The following TRIM25 variants were observed in gnomAD, a reference collection of about 807,000 sequenced individuals.
The protein encoded by TRIM25 is tripartite motif containing 25.
In TRIM25, 45 loss-of-function variants were observed where a neutral mutation model predicts 65.2. That is an observed-to-expected ratio of 0.69 (90% CI 0.54 to 0.89). The LOEUF (loss-of-function observed/expected upper bound fraction) is 0.89, where lower values mean the gene tolerates loss of function less well. Among genes scored for constraint, TRIM25 ranks in the 40% least tolerant of loss-of-function variants. TRIM25 has a pLI of 0.00. For synonymous variants in TRIM25, 321 were observed against 340.4 expected (o/e 0.94, Z 0.63); for missense variants, 714 against 803.7 (o/e 0.89, Z 1.35).
chr17:56,901,724 G>T, intron 3 of TRIM25, 146 bp from the exon 4 acceptor site: 1 of 1,040,018 alleles, frequency 9.6e-7, no homozygotes, highest in Non-Finnish European at 1.4e-6. Flanking sequence ...GAGGTCACCA[G>T]GAGTTTAAAT....
rs1285767624 is a variant in TRIM25, at chr17:56,913,724, C to A, written c.265G>T (p.Val89Phe). The change falls in exon 1 of 9, where the codon GTC (valine) becomes TTC (phenylalanine). Residue 89 changes from valine to phenylalanine, a missense_variant. Around this residue, in one of 3 missense-constraint regions of TRIM25, gnomAD observed 291 missense variants for 281.8 expected, o/e 1.03. Coordinates refer to ENST00000316881, the MANE Select transcript of TRIM25 (RefSeq NM_005082.5). This position sits in a 1 kb window ranked among gnomAD's most constrained non-coding sequence, Gnocchi z 6.1. ...GAGGCGCGGGCGGGCGGCGTCCAGA[C>A]GTCGGCGGGTGGCTCCCGGGCCAGG... ...ADLAREPPAD[V>F]WTPPARASAP... is the part of the protein sequence containing the mutation. The A allele has an allele frequency of 6.4e-7, 1 of 1,559,772 alleles. No homozygotes were observed. Among genetic ancestry groups the A allele is most frequent in the Non-Finnish European group, 8.7e-7 (1 of 1,152,284 alleles).
Position 56,913,349 on chromosome 17 carries a change from A to G in TRIM25, c.597+43T>C. 6.7e-7 allele frequency: 1 copy of G among 1,503,310 alleles called. No individual in the cohort carries two copies. The highest frequency in any genetic ancestry group is 8.9e-7 in the Non-Finnish European group (1 of 1,123,524). 93.1% of individuals were successfully genotyped at this position (1,503,310 alleles called of 1,614,324 possible). ...CCCCGGTGGCCCCTCTGCACCACCC[A>G]TCAGGCCAGGCTGCCCTCTGCACCC... On this transcript the variant is annotated intron_variant, in intron 1 of 8. Coordinates refer to ENST00000316881, the MANE Select transcript of TRIM25 (RefSeq NM_005082.5). This position sits in a 1 kb window ranked among gnomAD's most constrained non-coding sequence, Gnocchi z 6.1.
intron 8 of TRIM25, 146 bp from the exon 9 acceptor site, chr17:56,892,375 ATCTG>A (rs1047496788): frequency 6.5e-5 from 54 of 825,062 alleles, no homozygotes; most frequent in African/African-American, 4.0e-4. Flanking sequence ...TCATCTATCC[ATCTG>A]TCTGTCTATT....
chr17:56,904,274 T>C lies in TRIM25; in HGVS notation c.908A>G (p.Asp303Gly), dbSNP rs770573226. Residue 303 changes from aspartate to glycine, a missense_variant, in exon 3 of 9, where the codon GAT becomes GGT. Transcript: ENST00000316881. ...EEIEQSLTKR[D>G]EFEFLEKASK... is the part of the protein sequence containing the mutation. ...ACCTACCTCCAGAAACTCGAACTCATCCCTCTTGGTCAGGCTCTGTTCAAT... is the reference window on the plus strand; with the variant it reads ...ACCTACCTCCAGAAACTCGAACTCACCCCTCTTGGTCAGGCTCTGTTCAAT... The C allele has an allele frequency of 6.2e-7, 1 of 1,610,198 alleles. No homozygotes were observed.
rs1403113722 is a variant in TRIM25 at position 56,888,093 on chromosome 17, G to A, written c.*3607C>T. On this transcript the variant is annotated 3_prime_UTR_variant, in exon 9 of 9. Coordinates refer to ENST00000316881, the MANE Select transcript of TRIM25 (RefSeq NM_005082.5). Reference sequence around the variant, plus strand: ...ACCCAGGAAGCTATGCTGAGCTTTAGTGTCCAGAGTTTTTATTAGGGTTTC... The same window carrying A: ...ACCCAGGAAGCTATGCTGAGCTTTAATGTCCAGAGTTTTTATTAGGGTTTC... The A allele has an allele frequency of 6.6e-6, 1 of 152,254 alleles. No homozygotes were observed. Among genetic ancestry groups the A allele is most frequent in the Non-Finnish European group, 1.5e-5 (1 of 68,064 alleles). 9.4% of individuals were successfully genotyped at this position (152,254 alleles called of 1,614,324 possible).
Position 56,895,343 on chromosome 17 carries a change from A to G in TRIM25, c.1363T>C (p.Tyr455His). The G allele has an allele frequency of 1.9e-6, 3 of 1,613,434 alleles. No individual in the cohort carries two copies. Among genetic ancestry groups the G allele is most frequent in the Non-Finnish European group, 1.7e-6 (2 of 1,179,554 alleles). Reference protein sequence around the residue: ...LAKSRPELLEYYIKVILDYNT... With the variant: ...LAKSRPELLEHYIKVILDYNT... ...GCGCACCAGCCCCGAAGCTACTCACACTCCAGGAGCTCAGGTCTGGACTTG... is the reference window on the plus strand; with the variant it reads ...GCGCACCAGCCCCGAAGCTACTCACGCTCCAGGAGCTCAGGTCTGGACTTG... Residue 455 changes from tyrosine to histidine, a missense_variant and splice_region_variant, in exon 8 of 9, where the codon TAT becomes CAT. Transcript: ENST00000316881.
chr17:56,888,407 C>G lies in TRIM25; in HGVS notation c.*3293G>C, dbSNP rs1450728202. 6.6e-6 allele frequency: 1 copy of G among 152,190 alleles called. No homozygotes were observed. Among genetic ancestry groups the G allele is most frequent in the Admixed American group, 6.5e-5 (1 of 15,286 alleles). 9.4% of individuals were successfully genotyped at this position (152,190 alleles called of 1,614,324 possible). The stretch of plus-strand genomic sequence containing the variant: ...TTCAATTCTTTAGACAACCTCCAAT[C>G]CACACCTCCTGGAACTCCTACCCCA... On this transcript the variant is annotated 3_prime_UTR_variant, in exon 9 of 9. Transcript: ENST00000316881.
intron 3 of TRIM25, among the ~76,000 whole-genome samples, chr17:56,903,115 G>C (rs1475888104): frequency 6.6e-6 from 1 of 152,170 alleles, no homozygotes; most frequent in Non-Finnish European, 1.5e-5. Context: ...AAATTACTCA[G>C]TCTGGTTGGG....
At chr17:56,898,261 A>G (rs909005940) in intron 5 of TRIM25, among the ~76,000 whole-genome samples, 101 of 148,930 alleles carry the variant, frequency 6.8e-4, no homozygotes, top group African/African-American at 2.5e-3. Flanking sequence ...ACATGTCAGC[A>G]GTATATGAAC....
At position 56,904,450 on chromosome 17, in the gene TRIM25, T is replaced by C. The variant is rs1341349083; in HGVS notation, c.732A>G (p.Glu244=). The change falls in exon 3 of 9, where the codon GAA becomes GAG. Residue 244 remains glutamate, a synonymous_variant. Transcript: ENST00000316881. The stretch of plus-strand genomic sequence containing the variant: ...CCAAGAGAGCCTTCATTTCCGTGTA[T>C]TCTTGTTGTAGCTGCTCCACCTTTC... ...ANRKVEQLQQ[E]YTEMKALLDA... 3.1e-6 allele frequency: 5 copies of C among 1,614,052 alleles called. No homozygotes were observed. The East Asian group carries it at 6.7e-5, about 22-fold the overall frequency.
chr17:56,891,294 C>G lies in TRIM25; in HGVS notation c.*406G>C. ...TAGTAAGAATTCAAAACACCAAGAT[C>G]TGAAGGCTACCCCAGAGAGCAAAGG... On this transcript the variant is annotated 3_prime_UTR_variant, in exon 9 of 9. Coordinates refer to ENST00000316881, the MANE Select transcript of TRIM25 (RefSeq NM_005082.5). 1 of 313,964 alleles carries G rather than the reference C, an allele frequency of 3.2e-6. No homozygotes were observed. Among genetic ancestry groups the G allele is most frequent in the Non-Finnish European group, 6.2e-6 (1 of 162,378 alleles). 19.4% of individuals were successfully genotyped at this position (313,964 alleles called of 1,614,324 possible).
chr17:56,896,172 T>C (rs1294357003), intron 5 of TRIM25, among the ~76,000 whole-genome samples: 1 of 152,070 alleles, frequency 6.6e-6, no homozygotes, highest in African/African-American at 2.4e-5. Flanking sequence ...CATGAAGGAA[T>C]TTTCTGGAGA....
At chr17:56,909,620 G>A (rs534987228) in intron 1 of TRIM25, among the ~76,000 whole-genome samples, 9 of 149,786 alleles carry the variant, frequency 6.0e-5, no homozygotes, top group Non-Finnish European at 1.0e-4. Context: ...GGGAGGTTGA[G>A]CCTGCAGTGA....
At position 56,904,423 on chromosome 17, in the gene TRIM25, G is replaced by A. The variant is rs577076520; in HGVS notation, c.759C>T (p.Asp253=). ...QEYTEMKALL[D]ASETTSTRKI... is the part of the protein sequence containing the mutation. Reference sequence around the variant, plus strand: ...TCCTTGTCGAGGTGGTCTCTGAGGCGTCCAAGAGAGCCTTCATTTCCGTGT... The same window carrying A: ...TCCTTGTCGAGGTGGTCTCTGAGGCATCCAAGAGAGCCTTCATTTCCGTGT... The change falls in exon 3 of 9, where the codon GAC becomes GAT. Residue 253 remains aspartate, a synonymous_variant. Coordinates refer to ENST00000316881, the MANE Select transcript of TRIM25 (RefSeq NM_005082.5). 150 of 1,614,014 alleles carry A rather than the reference G, an allele frequency of 9.3e-5. 3 individuals are homozygous for A. In the South Asian group the frequency reaches 1.2e-3, roughly 13 times the overall value.
Position 56,891,564 on chromosome 17 carries a change from C to CA in TRIM25, c.*135_*136insT. 3 of 697,156 alleles carry CA rather than the reference C, an allele frequency of 4.3e-6. No individual in the cohort carries two copies. Among genetic ancestry groups the CA allele is most frequent in the Non-Finnish European group, 6.8e-6 (3 of 442,600 alleles). The allele number at this position is 697,156 out of a possible 1,614,324, so 43.2% of individuals were successfully genotyped here. A position where few individuals can be genotyped will look rare whatever the true frequency, so the allele number is the denominator to read the frequency against. Reference sequence around the variant, plus strand: ...TCCTGGCTAAATCCCACCTCCCACCCTCCCGCCAGCTCCCCTCCCATGCTC... The same window carrying CA: ...TCCTGGCTAAATCCCACCTCCCACCCATCCCGCCAGCTCCCCTCCCATGCTC... On this transcript the variant is annotated 3_prime_UTR_variant, in exon 9 of 9. Transcript: ENST00000316881.
intron 3 of TRIM25, among the ~76,000 whole-genome samples, chr17:56,903,154 A>T (rs1292418782): frequency 6.6e-6 from 1 of 152,164 alleles, no homozygotes; most frequent in African/African-American, 2.4e-5. Flanking sequence ...TAATCTCAGC[A>T]CTTTGGGAGG....
chr17:56,896,323 A>G (rs897054746), intron 5 of TRIM25, among the ~76,000 whole-genome samples: 2 of 144,950 alleles, frequency 1.4e-5, no homozygotes, highest in African/African-American at 5.2e-5. Context: ...AAAGGAAAAA[A>G]CACAAAAACC....
At chr17:56,896,490 C>T (rs948548467) in intron 5 of TRIM25, among the ~76,000 whole-genome samples, 1 of 139,192 alleles carries the variant, frequency 7.2e-6, no homozygotes, top group Non-Finnish European at 1.6e-5. Context: ...CCCATCTCTA[C>T]AAAATTACAA....
intron 1 of TRIM25, among the ~76,000 whole-genome samples, chr17:56,911,174 C>T (rs542875635): frequency 3.9e-5 from 6 of 151,946 alleles, no homozygotes; most frequent in Admixed American, 2.0e-4. Flanking sequence ...GAGGCTGAGG[C>T]AGGAGGATCA....
Sources: allele counts gnomAD v4.1 joint callset (sites outside exome capture counted in the v4.1 genomes callset), GRCh38; gene constraint gnomAD v4.1.1; regional missense constraint gnomAD v4.1.1; non-coding constraint Gnocchi (gnomAD v3.1); transcripts MANE v1.5; gene names NCBI Gene and HGNC (gene_info 2026-07-23, HGNC 2026-07-21).